SEL1L3: variants seen among roughly 807,000 people sequenced by gnomAD.
SEL1L3 encodes SEL1L family member 3, also known as protein sel-1 homolog 3.
SEL1L3 carries 76 observed loss-of-function variants against 142.8 expected under a neutral mutation model. The ratio of observed to expected loss-of-function variants is 0.53; its 90% CI spans 0.44 to 0.64. SEL1L3 has a LOEUF of 0.64. SEL1L3 is among the 30% of genes least tolerant of loss of function. The probability of loss-of-function intolerance (pLI) is 0.00; values close to 1 mark genes in which losing one functional copy is unlikely to be tolerated. For synonymous variants in SEL1L3, 504 were observed against 519.6 expected (o/e 0.97, Z 0.41); for missense variants, 1,262 against 1,381.7 (o/e 0.91, Z 1.37).
chr4:25,829,936 G>GAA (rs35501267), intron 6 of SEL1L3, among the ~76,000 whole-genome samples, 162 bp downstream of exon 6: 1 of 151,142 alleles, frequency 6.6e-6, no homozygotes, highest in African/African-American at 2.4e-5. Flanking sequence ...TGCATGGTAG[G>GAA]AAAAAAAAAG....
chr4:25,721,455 G>A, the SEL1L3 span, among the ~76,000 whole-genome samples: 82 of 151,982 alleles, frequency 5.4e-4, no homozygotes, highest in Admixed American at 8.5e-4. Flanking sequence ...CAGGCTTCTC[G>A]GTAGAAAGAT....
chr4:25,745,874 A>G (rs113535655), downstream of SEL1L3, among the ~76,000 whole-genome samples: 910 of 152,372 alleles, frequency 6.0e-3, 2 homozygotes, highest in South Asian at 0.034. Context: ...TCAGCAGCTC[A>G]TGTTCCCAAC....
intron 1 of SEL1L3, among the ~76,000 whole-genome samples, chr4:25,855,896 T>C (rs891330077): frequency 1.3e-5 from 2 of 152,220 alleles, no homozygotes; most frequent in Non-Finnish European, 2.9e-5. Context: ...TAAGTTCTCT[T>C]GTAAGGGGCC....
At chr4:25,741,210 T>G in the SEL1L3 span, among the ~76,000 whole-genome samples, 17 of 152,068 alleles carry the variant, frequency 1.1e-4, no homozygotes, top group African/African-American at 3.4e-4. Context: ...GTTCAAAAGA[T>G]TCTCCTGTCT....
chr4:25,774,414 A>G (rs1200650972), intron 17 of SEL1L3, among the ~76,000 whole-genome samples: 2 of 152,230 alleles, frequency 1.3e-5, no homozygotes, highest in East Asian at 1.9e-4. Context: ...CCTTCCCCCA[A>G]CCAACCAACC....
chr4:25,844,825 T>TG (rs1716404743), intron 2 of SEL1L3, among the ~76,000 whole-genome samples: 2 of 152,202 alleles, frequency 1.3e-5, no homozygotes, highest in South Asian at 4.1e-4. Flanking sequence ...GGGCTCTGCC[T>TG]GGAAGAGGGA....
In SEL1L3 at chr4:25,761,434, G is replaced by T. The variant is rs1560280298; in HGVS notation, c.2956-2366C>A. On this transcript the variant is annotated intron_variant, in intron 20 of 23. Coordinates refer to ENST00000399878, the MANE Select transcript of SEL1L3 (RefSeq NM_015187.5). The stretch of plus-strand genomic sequence containing the variant: ...GCCTCCCAAAGTGCTGGCACTACAG[G>T]GTTGAGCCACCGCGCCCAGCCAGCT... Among the ~76,000 whole-genome samples, 3 of 152,240 alleles carry T rather than the reference G, an allele frequency of 2.0e-5. No individual in the cohort carries two copies. The South Asian group carries it at 6.2e-4, about 32-fold the overall frequency.
At chr4:25,833,900 A>T (rs559541745) in intron 3 of SEL1L3, among the ~76,000 whole-genome samples, 67 of 152,320 alleles carry the variant, frequency 4.4e-4, no homozygotes, top group African/African-American at 8.4e-4. Context: ...GACATAGATT[A>T]AAAAAATCTG....
At chr4:25,714,500 T>TTCTCTTTC in the SEL1L3 span, among the ~76,000 whole-genome samples, 6 of 109,008 alleles carry the variant, frequency 5.5e-5, no homozygotes, top group African/African-American at 1.9e-4. Flanking sequence ...CTTTCTTTCT[T>TTCTCTTTC]TTTCTTTCTT....
At chr4:25,858,877 C>T (rs1717469407) in intron 1 of SEL1L3, among the ~76,000 whole-genome samples, 1 of 152,194 alleles carries the variant, frequency 6.6e-6, no homozygotes, top group Non-Finnish European at 1.5e-5. Context: ...AGACACCGCG[C>T]CCAGCCTCTG....
chr4:25,734,707 T>C, the SEL1L3 span, among the ~76,000 whole-genome samples: 1 of 152,032 alleles, frequency 6.6e-6, no homozygotes, highest in South Asian at 2.1e-4. Context: ...TAGCTGGGAT[T>C]ACAGGCGCCC....
rs1718074253 is a variant in SEL1L3 at position 25,757,574 on chromosome 4, T to C, written c.3219A>G (p.Ile1073Met). 1.3e-6 allele frequency: 2 copies of C among 1,549,886 alleles called. No homozygotes were observed. Among genetic ancestry groups the C allele is most frequent in the Non-Finnish European group, 8.7e-7 (1 of 1,147,178 alleles). The change falls in exon 23 of 24, where the codon ATA becomes ATG. Residue 1073 changes from isoleucine (I) to methionine (M), a missense_variant. Transcript: ENST00000399878. ...AATACTGCACAGTCCAGGCGATCAATATGGATAGCAGAAAGGTTCCCAGAA... is the reference window on the plus strand; with the variant it reads ...AATACTGCACAGTCCAGGCGATCAACATGGATAGCAGAAAGGTTCCCAGAA... ...IYFLGTFLLSILIAWTVQYFQ... is the reference protein window; with the variant it reads ...IYFLGTFLLSMLIAWTVQYFQ...
At chr4:25,724,100 T>C in the SEL1L3 span, among the ~76,000 whole-genome samples, 1 of 152,170 alleles carries the variant, frequency 6.6e-6, no homozygotes, top group East Asian at 1.9e-4. Context: ...AATTTTGAAA[T>C]GTTTCCAGAA....
chr4:25,747,280 T>G (rs1351126429), downstream of SEL1L3: 1 of 152,064 alleles, frequency 6.6e-6, no homozygotes, highest in African/African-American at 2.4e-5. Context: ...CCTGCCACCT[T>G]CCTATCCACA....
chr4:25,787,248 T>C (rs1456224101), intron 13 of SEL1L3, among the ~76,000 whole-genome samples: 1 of 152,228 alleles, frequency 6.6e-6, no homozygotes, highest in African/African-American at 2.4e-5. Context: ...ACCAACCTCG[T>C]AAGTTGGTTG....
At chr4:25,752,784 C>A (rs1717690666) in intron 23 of SEL1L3, among the ~76,000 whole-genome samples, 1 of 152,182 alleles carries the variant, frequency 6.6e-6, no homozygotes, top group Non-Finnish European at 1.5e-5. Context: ...CCATGCCCCG[C>A]TAATTTTTGT....
At chr4:25,842,901 G>A (rs1716261966) in intron 2 of SEL1L3, among the ~76,000 whole-genome samples, 1 of 152,234 alleles carries the variant, frequency 6.6e-6, no homozygotes, top group African/African-American at 2.4e-5. Context: ...AATGAAGGTG[G>A]ACAATGACAG....
In SEL1L3 at chr4:25,792,208, C is replaced by A. The variant is rs188031041; in HGVS notation, c.1957-1634G>T. 3.4e-3 allele frequency among the ~76,000 whole-genome samples: 509 copies of A among 151,582 alleles called. 3 individuals carry two copies. Among genetic ancestry groups the A allele is most frequent in the Non-Finnish European group, 6.1e-3 (416 of 67,814 alleles). On this transcript the variant is annotated intron_variant, in intron 11 of 23. Coordinates refer to ENST00000399878, the MANE Select transcript of SEL1L3 (RefSeq NM_015187.5). ...TACGTGGTATTTTTTTCCTTTTTTTCTTTTTTTCCACTTAATCCTCATAAC... is the reference window on the plus strand; with the variant it reads ...TACGTGGTATTTTTTTCCTTTTTTTATTTTTTTCCACTTAATCCTCATAAC...
intron 23 of SEL1L3, among the ~76,000 whole-genome samples, chr4:25,750,251 A>G (rs1161635322): frequency 4.6e-5 from 7 of 151,378 alleles, no homozygotes; most frequent in African/African-American, 7.3e-5. Context: ...AAAAAAAAAA[A>G]AAAAGAAAGA....
Sources: gnomAD v4.1 joint callset for allele counts (sites outside exome capture counted in the v4.1 genomes callset) on GRCh38, gnomAD v4.1.1 for gene constraint, MANE v1.5 for transcripts, NCBI Gene and HGNC (gene_info 2026-07-23, HGNC 2026-07-21) for gene names.